PYGO1: variants seen among roughly 807,000 people sequenced by gnomAD.
PYGO1 encodes the protein pygopus homolog 1.
A neutral mutation model predicts 29.5 loss-of-function variants in PYGO1; 6 were observed. That is an observed-to-expected ratio of 0.20 (90% CI 0.11 to 0.40). The LOEUF is 0.40. Ranked by LOEUF, PYGO1 falls within the 10% of genes least tolerant of loss-of-function variation. PYGO1 has a pLI of 1.00. For missense variants in PYGO1, 515 were observed against 514.9 expected (o/e 1.00, Z 0.00); for synonymous variants, 186 against 180.5 (o/e 1.03, Z -0.24).
intron 1 of PYGO1, among the ~76,000 whole-genome samples, chr15:55,571,000 T>A (rs963958353): frequency 2.0e-5 from 3 of 152,148 alleles, no homozygotes; most frequent in African/African-American, 7.2e-5. Context: ...TGAAACTATA[T>A]CCATCAAGCA....
intron 1 of PYGO1, among the ~76,000 whole-genome samples, chr15:55,558,014 A>G (rs1595985159): frequency 6.6e-6 from 1 of 152,316 alleles, no homozygotes; most frequent in African/African-American, 2.4e-5. Context: ...CAGGCAGTAG[A>G]AAGAAATAAA....
chr15:55,567,338 T>C (rs1472639535), intron 1 of PYGO1, among the ~76,000 whole-genome samples: 1 of 150,208 alleles, frequency 6.7e-6, no homozygotes, highest in Non-Finnish European at 1.5e-5. Flanking sequence ...TGCCCACGTG[T>C]CTGGGACCAC....
intron 1 of PYGO1, 113 bp downstream of exon 1, chr15:55,587,722 G>A (rs2141683566): frequency 6.6e-6 from 8 of 1,213,962 alleles, no homozygotes; most frequent in Non-Finnish European, 8.2e-6. Context: ...GCGGGACGCG[G>A]GCTGCGCGGA....
rs10648446 is a variant in PYGO1 at position 55,576,760 on chromosome 15, C to CAAAAAAAAAAAAAAAAGAA, written c.49+11074_49+11075insTTCTTTTTTTTTTTTTTTT. Among the ~76,000 whole-genome samples, 6 of 53,544 alleles carry CAAAAAAAAAAAAAAAAGAA rather than the reference C, an allele frequency of 1.1e-4. 2 individuals carry two copies. The highest frequency in any genetic ancestry group is 1.5e-4 in the Non-Finnish European group (4 of 26,876). The allele number at this position is 53,544 out of a possible 152,430, so 35.1% of individuals were successfully genotyped here. ...CTGCACTCCAGCCTGGGCGACAGATCAAAAAAAAGAAGTGGGGGAAAAGAT... is the reference window on the plus strand; with the variant it reads ...CTGCACTCCAGCCTGGGCGACAGATCAAAAAAAAAAAAAAAAGAAAAAAAAAAGAAGTGGGGGAAAAGAT... On this transcript the variant is annotated intron_variant, in intron 1 of 2. Transcript: ENST00000563719.
Position 55,546,192 on chromosome 15 carries a change from T to C in PYGO1, c.1091A>G (p.Gln364Arg), listed in dbSNP as rs200729272. The change falls in exon 3 of 3, where the codon CAG becomes CGG. Residue 364 changes from glutamine (Q) to arginine (R), a missense_variant. Physicochemically the swap from Gln to Arg is conservative, Grantham distance 43. Transcript: ENST00000563719. ...AGTACAGATCCGATGAAACCATTTC[T>C]GACAAGAGGCCTCACATAAGATGGC... Reference protein sequence around the residue: ...QDAILCEASCQKWFHRICTGM... With the variant: ...QDAILCEASCRKWFHRICTGM... 4.7e-5 allele frequency: 76 copies of C among 1,614,106 alleles called. No individual in the cohort carries two copies. Among genetic ancestry groups the C allele is most frequent in the Non-Finnish European group, 8.5e-6 (10 of 1,180,042 alleles).
chr15:55,549,102 T>TA, intron 1 of PYGO1, 107 bp from the exon 2 acceptor site: 1 of 825,190 alleles, frequency 1.2e-6, no homozygotes, highest in Non-Finnish European at 1.8e-6. Flanking sequence ...CTATTTTCGT[T>TA]AGACAAGAGC....
In PYGO1 at chr15:55,545,328, C is replaced by A. The variant is rs1414724217; in HGVS notation, c.*695G>T. The A allele has an allele frequency of 6.6e-6, 1 of 152,126 alleles. No individual in the cohort carries two copies. The highest frequency in any genetic ancestry group is 2.4e-5 in the African/African-American group (1 of 41,452). 9.4% of individuals were successfully genotyped at this position (152,126 alleles called of 1,614,324 possible). ...AGCACAACTGGGAACGTACGTTATACCAACTTTACTAATTGCAGTCAATTT... is the reference window on the plus strand; with the variant it reads ...AGCACAACTGGGAACGTACGTTATAACAACTTTACTAATTGCAGTCAATTT... On this transcript the variant is annotated 3_prime_UTR_variant, in exon 3 of 3. Coordinates refer to ENST00000563719, the MANE Select transcript of PYGO1 (RefSeq NM_001367806.1).
chr15:55,567,938 G>A (rs2058964018), intron 1 of PYGO1, among the ~76,000 whole-genome samples: 1 of 152,038 alleles, frequency 6.6e-6, no homozygotes, highest in African/African-American at 2.4e-5. Flanking sequence ...CATTCTATTG[G>A]TCTAAATTGT....
chr15:55,570,522 A>C (rs1437289493), intron 1 of PYGO1, among the ~76,000 whole-genome samples: 1 of 117,442 alleles, frequency 8.5e-6, no homozygotes, highest in Non-Finnish European at 1.7e-5. Context: ...CTTTTCATAT[A>C]CTAAAAAAAA....
chr15:55,575,691 T>C (rs939310343), intron 1 of PYGO1, among the ~76,000 whole-genome samples: 1 of 152,174 alleles, frequency 6.6e-6, no homozygotes, highest in Admixed American at 6.6e-5. Flanking sequence ...GTTTCAGTCA[T>C]AGCAGTTGCG....
In PYGO1 at chr15:55,544,480, C is replaced by T. The variant is rs1447981110; in HGVS notation, c.*1543G>A. On this transcript the variant is annotated 3_prime_UTR_variant, in exon 3 of 3. Coordinates refer to ENST00000563719, the MANE Select transcript of PYGO1 (RefSeq NM_001367806.1). ...TCATAGCCCAAGTCACTTAACTTTG[C>T]TTTAGTAGCTTGTGACATGTGAGGT... 6.6e-6 allele frequency: 1 copy of T among 152,128 alleles called. No individual in the cohort carries two copies. The highest frequency in any genetic ancestry group is 1.5e-5 in the Non-Finnish European group (1 of 68,028). The allele number at this position is 152,128 out of a possible 1,614,324, so 9.4% of individuals were successfully genotyped here.
At chr15:55,562,063 T>C (rs570394096) in intron 1 of PYGO1, among the ~76,000 whole-genome samples, 1 of 152,060 alleles carries the variant, frequency 6.6e-6, no homozygotes, top group East Asian at 1.9e-4. Context: ...AAAAAAGACA[T>C]TTATGCAGCC....
At position 55,548,872 on chromosome 15, in the gene PYGO1, G is replaced by C. The variant is rs753187876; in HGVS notation, c.135+38C>G. 2.5e-6 allele frequency: 4 copies of C among 1,574,896 alleles called. No individual in the cohort carries two copies. The South Asian group carries it at 4.6e-5, about 18-fold the overall frequency. ...TTACCTCATCAGCCTGACCATACTAGCAAAGAAAAACTTTTATTAAAGAAA... is the reference window on the plus strand; with the variant it reads ...TTACCTCATCAGCCTGACCATACTACCAAAGAAAAACTTTTATTAAAGAAA... On this transcript the variant is annotated intron_variant, in intron 2 of 2. Transcript: ENST00000563719.
intron 1 of PYGO1, among the ~76,000 whole-genome samples, chr15:55,571,630 C>T (rs994915832): frequency 1.1e-4 from 17 of 152,154 alleles, no homozygotes; most frequent in Admixed American, 3.9e-4. Context: ...TGACTTGCTC[C>T]ACCTTGCTTT....
Position 55,585,654 on chromosome 15 carries a change from G to A in PYGO1, c.49+2181C>T, listed in dbSNP as rs554523919. On this transcript the variant is annotated intron_variant, in intron 1 of 2. Coordinates refer to ENST00000563719, the MANE Select transcript of PYGO1 (RefSeq NM_001367806.1). Reference sequence around the variant, plus strand: ...CACCGGAGCCAACCCCAATAGCTACGCCATAGAACTTAACAGCAGTTGGAA... The same window carrying A: ...CACCGGAGCCAACCCCAATAGCTACACCATAGAACTTAACAGCAGTTGGAA... Among the ~76,000 whole-genome samples, 133 of 152,190 alleles carry A rather than the reference G, an allele frequency of 8.7e-4. No individual in the cohort carries two copies. The Middle Eastern group carries it at 0.01, about 12-fold the overall frequency.
intron 2 of PYGO1, among the ~76,000 whole-genome samples, chr15:55,548,698 G>T (rs2058863772): frequency 3.1e-5 from 2 of 65,020 alleles, no homozygotes; most frequent in Admixed American, 2.5e-4. Context: ...AACAGAGCAA[G>T]AATCCACCTA....
chr15:55,552,882 C>A (rs1443953583), intron 1 of PYGO1, among the ~76,000 whole-genome samples: 1 of 152,148 alleles, frequency 6.6e-6, no homozygotes, highest in Non-Finnish European at 1.5e-5. Flanking sequence ...ATTCAGGGAG[C>A]CAAGCAGCAT....
chr15:55,579,513 A>T (rs7164497), intron 1 of PYGO1, among the ~76,000 whole-genome samples: 124,028 of 152,086 alleles, frequency 0.82, 51,846 homozygotes, highest in Non-Finnish European at 0.9. Flanking sequence ...ATTACTCATA[A>T]AATTCTTTTT....
chr15:55,581,580 G>A (rs1387612240), intron 1 of PYGO1, among the ~76,000 whole-genome samples: 3 of 152,132 alleles, frequency 2.0e-5, no homozygotes, highest in Admixed American at 6.5e-5. Flanking sequence ...TTTGAGTTCC[G>A]GCTTTGCTGC....
Sources: allele counts gnomAD v4.1 joint callset (sites outside exome capture counted in the v4.1 genomes callset), GRCh38; gene constraint gnomAD v4.1.1; transcripts MANE v1.5; gene names NCBI Gene and HGNC (gene_info 2026-07-23, HGNC 2026-07-21).